SNRPN: variants seen among roughly 807,000 people sequenced by gnomAD.
The protein encoded by SNRPN is small nuclear ribonucleoprotein-associated protein N.
Under a neutral mutation model 25.2 loss-of-function variants are expected in SNRPN, and 7 were observed. The observed-to-expected ratio is 0.28, with a 90% CI of 0.16 to 0.52. The LOEUF (loss-of-function observed/expected upper bound fraction) is 0.52. Among genes scored for constraint, SNRPN ranks in the 20% least tolerant of loss-of-function variants. The probability of loss-of-function intolerance (pLI) is 0.96; values close to 1 mark genes in which losing one functional copy is unlikely to be tolerated. For synonymous variants in SNRPN, 124 were observed against 110.6 expected (o/e 1.12, Z -0.76); for missense variants, 196 against 322.5 (o/e 0.61, Z 3.00).
intron 2 of SNRPN, among the ~76,000 whole-genome samples, chr15:24,965,301 G>A (rs1256420769): frequency 1.3e-5 from 2 of 152,262 alleles, no homozygotes; most frequent in East Asian, 3.9e-4. Flanking sequence ...ACTTTGGGAG[G>A]CGAAGGTGGG....
At chr15:24,976,089 A>G (rs968195320) in intron 5 of SNRPN, among the ~76,000 whole-genome samples, 5 of 152,260 alleles carry the variant, frequency 3.3e-5, no homozygotes, top group Admixed American at 2.6e-4. Context: ...TCAAAGGAAC[A>G]TTCTGTAAAA....
intron 3 of SNRPN, among the ~76,000 whole-genome samples, chr15:24,947,441 C>T (rs2061953633): frequency 1.3e-5 from 2 of 152,162 alleles, no homozygotes; most frequent in African/African-American, 4.8e-5. Context: ...CCAGCCTGCC[C>T]ACTATGGTGA....
intron 1 of SNRPN, among the ~76,000 whole-genome samples, chr15:24,958,252 C>CCTT (rs2063234673): frequency 6.6e-6 from 1 of 152,120 alleles, no homozygotes; most frequent in African/African-American, 2.4e-5. Context: ...AAGATAACCT[C>CCTT]CTTTGTTTAT....
chr15:24,906,604 G>A (rs1215961059), intron 2 of SNRPN, among the ~76,000 whole-genome samples: 2 of 152,126 alleles, frequency 1.3e-5, no homozygotes, highest in East Asian at 1.9e-4. Flanking sequence ...CCTACTTTCC[G>A]GGGAGGTAGG....
intron 2 of SNRPN, chr15:24,848,258 G>GGGCGGCGGCGGGAGCGGGGGCGGC (rs71312669): frequency 8.1e-6 from 1 of 124,148 alleles, no homozygotes; most frequent in Non-Finnish European, 1.8e-5. Flanking sequence ...GCGGGGGCGG[G>GGGCGGCGGCGGGAGCGGGGGCGGC]GGCGGGGGCG....
At chr15:24,882,866 T>C (rs2056856228) in intron 1 of SNRPN, among the ~76,000 whole-genome samples, 1 of 150,382 alleles carries the variant, frequency 6.6e-6, no homozygotes, top group Non-Finnish European at 1.5e-5. Context: ...GAAATGCATT[T>C]AATATATCTA....
intron 3 of SNRPN, among the ~76,000 whole-genome samples, chr15:24,924,530 C>T (rs2060255392): frequency 6.6e-6 from 1 of 152,094 alleles, no homozygotes; most frequent in Non-Finnish European, 1.5e-5. Flanking sequence ...AGCTGCTCCC[C>T]ACATAACCTC....
chr15:24,910,643 C>T (rs905167715), intron 2 of SNRPN, among the ~76,000 whole-genome samples: 8 of 151,942 alleles, frequency 5.3e-5, no homozygotes, highest in African/African-American at 1.7e-4. Flanking sequence ...TACAGGCGCC[C>T]GCCACCACAC....
intron 1 of SNRPN, among the ~76,000 whole-genome samples, chr15:24,881,001 C>T (rs1372628759): frequency 2.0e-5 from 3 of 151,974 alleles, no homozygotes; most frequent in Non-Finnish European, 4.4e-5. Context: ...AAATTATATT[C>T]GCTTTACCTG....
At chr15:24,958,576 A>G (rs1047858242) in intron 1 of SNRPN, among the ~76,000 whole-genome samples, 31 of 143,100 alleles carry the variant, frequency 2.2e-4, no homozygotes, top group African/African-American at 8.0e-4. Context: ...GCTAGACTCA[A>G]GCTATATCCT....
At chr15:24,897,080 GA>G (rs1165257153) in intron 2 of SNRPN, among the ~76,000 whole-genome samples, 10 of 152,148 alleles carry the variant, frequency 6.6e-5, no homozygotes, top group African/African-American at 2.4e-4. Context: ...TTGGGTCCAG[GA>G]GGCAGAGGTT....
chr15:24,967,807 GGAAAAAAAAAAAA>G (rs2075872270), intron 2 of SNRPN, 112 bp from the exon 3 acceptor site: 1 of 697,640 alleles, frequency 1.4e-6, no homozygotes, highest in Admixed American at 2.9e-5. Flanking sequence ...GACCCTGTCT[GGAAAAAAAAAAAA>G]AAAAAAAAGG....
intron 2 of SNRPN, among the ~76,000 whole-genome samples, chr15:24,913,933 C>T (rs1401896574): frequency 1.3e-5 from 2 of 152,036 alleles, no homozygotes; most frequent in African/African-American, 2.4e-5. Flanking sequence ...AGATTGTGTC[C>T]GTAGGGGTGA....
chr15:24,963,884 T>C (rs573528283), intron 2 of SNRPN, among the ~76,000 whole-genome samples: 15 of 151,932 alleles, frequency 9.9e-5, no homozygotes, highest in African/African-American at 3.6e-4. Flanking sequence ...AAAAATAAAT[T>C]AGCCAGGCGT....
Position 24,962,172 on chromosome 15 carries a change from G to A in SNRPN, c.-332G>A, listed in dbSNP as rs766822978. On this transcript the variant is annotated 5_prime_UTR_variant, in exon 2 of 10. Coordinates refer to ENST00000390687, the MANE Select transcript of SNRPN (RefSeq NM_003097.6). The stretch of plus-strand genomic sequence containing the variant: ...GCACGTACCAGAGGTGGAAGTCCAA[G>A]TCAAACGCAGAAGGACTGCCTCACT... 1.2e-6 allele frequency: 2 copies of A among 1,614,026 alleles called. No individual in the cohort carries two copies. Among genetic ancestry groups the A allele is most frequent in the East Asian group, 4.5e-5 (2 of 44,872 alleles).
At chr15:24,916,485 T>G (rs1228982696) in intron 2 of SNRPN, among the ~76,000 whole-genome samples, 1 of 151,476 alleles carries the variant, frequency 6.6e-6, no homozygotes, top group Non-Finnish European at 1.5e-5. Flanking sequence ...GCCCAGAAAC[T>G]CAAGTTTTCA....
chr15:24,898,857 A>G (rs2058255511), intron 2 of SNRPN, among the ~76,000 whole-genome samples: 1 of 152,152 alleles, frequency 6.6e-6, no homozygotes, highest in African/African-American at 2.4e-5. Flanking sequence ...GGCCAATGCT[A>G]GTATGGAGGC....
At chr15:24,910,377 G>T (rs2059135501) in intron 2 of SNRPN, among the ~76,000 whole-genome samples, 1 of 152,148 alleles carries the variant, frequency 6.6e-6, no homozygotes, top group South Asian at 2.1e-4. Context: ...CAGCTACTCT[G>T]CAGGCTGAGG....
chr15:24,945,989 A>G (rs190853316), intron 3 of SNRPN, among the ~76,000 whole-genome samples: 1 of 152,320 alleles, frequency 6.6e-6, no homozygotes, highest in East Asian at 1.9e-4. Context: ...CCTGGGCTCC[A>G]GTGCTCAATG....
Sources: gnomAD v4.1 joint callset for allele counts (sites outside exome capture counted in the v4.1 genomes callset) on GRCh38, gnomAD v4.1.1 for gene constraint, MANE v1.5 for transcripts, NCBI Gene and HGNC (gene_info 2026-07-23, HGNC 2026-07-21) for gene names.